PRKD3: variants seen among roughly 807,000 people sequenced by gnomAD.
PRKD3 encodes the protein protein kinase D3, also known as serine/threonine-protein kinase D3.
In PRKD3, 47 loss-of-function variants were observed where a neutral mutation model predicts 99.2. The ratio of observed to expected loss-of-function variants is 0.47; its 90% confidence interval spans 0.38 to 0.60. PRKD3 has a LOEUF of 0.60. PRKD3 is among the 20% of genes least tolerant of loss of function. The pLI is 0.00. For missense variants in PRKD3, 1,019 were observed against 1,088.4 expected (o/e 0.94, Z 0.90); for synonymous variants, 392 against 355.4 (o/e 1.10, Z -1.16).
At chr2:37,258,440 A>G (rs1353939752) in intron 16 of PRKD3, among the ~76,000 whole-genome samples, 2 of 152,240 alleles carry the variant, frequency 1.3e-5, no homozygotes, top group Non-Finnish European at 2.9e-5. Flanking sequence ...AACTGATTAA[A>G]GAAGTGGAGC....
At chr2:37,323,046 TGTG>T (rs1221785981) in intron 1 of PRKD3, among the ~76,000 whole-genome samples, 2 of 151,680 alleles carry the variant, frequency 1.3e-5, no homozygotes, top group Non-Finnish European at 2.9e-5. Flanking sequence ...TTTTTCTGTA[TGTG>T]GTGTTTTCAA....
In PRKD3 at chr2:37,256,701, T is replaced by G. The variant is rs767660133; in HGVS notation, c.2374A>C (p.Met792Leu). 6.7e-7 allele frequency: 1 copy of G among 1,500,770 alleles called. No individual in the cohort carries two copies. Among genetic ancestry groups the G allele is most frequent in the South Asian group, 1.1e-5 (1 of 89,168 alleles). The allele number at this position is 1,500,770 out of a possible 1,614,324, so 93.0% of individuals were successfully genotyped here. ...INDQIQNAAF[M>L]YPPNPWREIS... The stretch of plus-strand genomic sequence containing the variant: ...TCTCTCCATGGATTTGGTGGGTACA[T>G]AAATGCAGCATTTTGGATTTGGTCA... Residue 792 changes from methionine to leucine, a missense_variant, in exon 17 of 19, where the codon ATG becomes CTG. This residue lies in a region of PRKD3 where 184 missense variants were observed against 275.1 expected (regional missense o/e 0.67). Transcript: ENST00000234179.
rs138530375 is a variant in PRKD3, at chr2:37,259,086, C to CA, written c.2145+496dup. ...AAAACTCAACTGAATTAAGAAAAAT[C>CA]AGAGAGTGCTACATGTAGCCAGGAC... On this transcript the variant is annotated intron_variant, in intron 16 of 18. Transcript: ENST00000234179. Among the ~76,000 whole-genome samples, 789 of 151,460 alleles carry CA rather than the reference C, an allele frequency of 5.2e-3. 10 individuals carry two copies. The highest frequency in any genetic ancestry group is 0.017 in the African/African-American group (723 of 41,328).
chr2:37,324,764 T>G lies in PRKD3; in HGVS notation c.-739A>C, dbSNP rs1672051931. On this transcript the variant is annotated 5_prime_UTR_variant, in exon 1 of 19. Coordinates refer to ENST00000234179, the MANE Select transcript of PRKD3 (RefSeq NM_005813.6). ...AGGCGCCAGCGAGGCTTCACGCGCC[T>G]CGCAGGATCCCGCCCGCCTCCGGCG... 1 of 150,998 alleles carries G rather than the reference T, an allele frequency of 6.6e-6. No individual in the cohort carries two copies. The highest frequency in any genetic ancestry group is 1.5e-5 in the Non-Finnish European group (1 of 67,548). The allele number at this position is 150,998 out of a possible 1,614,324, so 9.4% of individuals were successfully genotyped here.
intron 17 of PRKD3, among the ~76,000 whole-genome samples, chr2:37,254,525 A>G (rs1048100193): frequency 3.3e-5 from 5 of 152,202 alleles, no homozygotes; most frequent in Non-Finnish European, 7.4e-5. Flanking sequence ...GTTAAAGTAT[A>G]TACTCTGGAA....
chr2:37,310,105 C>A (rs971575831), intron 2 of PRKD3, among the ~76,000 whole-genome samples: 7 of 152,240 alleles, frequency 4.6e-5, no homozygotes, highest in Non-Finnish European at 1.0e-4. Flanking sequence ...CAGATTTTGA[C>A]ATATGTATAT....
intron 14 of PRKD3, among the ~76,000 whole-genome samples, chr2:37,265,007 T>C (rs533989135): frequency 4.6e-5 from 7 of 152,144 alleles, no homozygotes; most frequent in Non-Finnish European, 8.8e-5. Context: ...GTCTTAATAA[T>C]AATATGCGCA....
intron 9 of PRKD3, among the ~76,000 whole-genome samples, chr2:37,276,707 TTC>T (rs145372353): frequency 0.044 from 6,740 of 151,746 alleles, 541 homozygotes; most frequent in African/African-American, 0.15. Flanking sequence ...CCAAAGTTTC[TTC>T]TGTTTAATTT....
chr2:37,289,577 C>T lies in PRKD3; in HGVS notation c.560-64G>A, dbSNP rs533109645. 1.5e-5 allele frequency: 19 copies of T among 1,301,120 alleles called. No homozygotes were observed. In the South Asian group the frequency reaches 2.8e-4, roughly 19 times the overall value. 80.6% of individuals were successfully genotyped at this position (1,301,120 alleles called of 1,614,324 possible). A position where few individuals can be genotyped will look rare whatever the true frequency, so the allele number is the denominator to read the frequency against. On this transcript the variant is annotated intron_variant, in intron 4 of 18. Transcript: ENST00000234179. ...AAAAATTTACTATTTAAGTGTGATA[C>T]ATAAAAACCACTGCTTCTTTTATTT...
intron 2 of PRKD3, among the ~76,000 whole-genome samples, chr2:37,301,166 A>C (rs1346964399): frequency 1.3e-5 from 2 of 152,188 alleles, no homozygotes; most frequent in Non-Finnish European, 1.5e-5. Context: ...CCTCAGAATG[A>C]TCTTCATTAT....
intron 2 of PRKD3, among the ~76,000 whole-genome samples, chr2:37,308,143 G>A (rs1671245220): frequency 6.6e-6 from 1 of 152,142 alleles, no homozygotes; most frequent in African/African-American, 2.4e-5. Flanking sequence ...TTGACCAAGT[G>A]TTGAGATCAG....
At chr2:37,308,341 C>G (rs1000255267) in intron 2 of PRKD3, among the ~76,000 whole-genome samples, 1 of 152,106 alleles carries the variant, frequency 6.6e-6, no homozygotes, top group Non-Finnish European at 1.5e-5. Context: ...GCCTGCTGTC[C>G]AGAGGTTTGA....
chr2:37,260,491 G>A (rs1668341088), intron 14 of PRKD3, 107 bp from the exon 15 acceptor site: 2 of 1,014,728 alleles, frequency 2.0e-6, no homozygotes, highest in Non-Finnish European at 2.9e-6. Context: ...AAAGCCTAGA[G>A]AAGTAAACAA....
At chr2:37,268,100 G>A (rs951108220) in intron 13 of PRKD3, 3 of 310,184 alleles carry the variant, frequency 9.7e-6, no homozygotes, top group Non-Finnish European at 1.9e-5. Flanking sequence ...TATGTACTAG[G>A]TATGCCTTTA....
In PRKD3 at chr2:37,250,516, A is replaced by G. The variant is rs1312606800; in HGVS notation, c.*2661T>C. The G allele has an allele frequency of 1.3e-5, 2 of 152,214 alleles. No homozygotes were observed. Among genetic ancestry groups the G allele is most frequent in the Admixed American group, 6.5e-5 (1 of 15,284 alleles). The allele number at this position is 152,214 out of a possible 1,614,324, so 9.4% of individuals were successfully genotyped here. ...ATCAACTCAAATTTAGTAGAAAATT[A>G]TAAAATGAGCTTTTTTTTATTTTTG... On this transcript the variant is annotated 3_prime_UTR_variant, in exon 19 of 19. Coordinates refer to ENST00000234179, the MANE Select transcript of PRKD3 (RefSeq NM_005813.6).
At chr2:37,308,104 C>A (rs560963205) in intron 2 of PRKD3, among the ~76,000 whole-genome samples, 1 of 152,262 alleles carries the variant, frequency 6.6e-6, no homozygotes, top group African/African-American at 2.4e-5. Flanking sequence ...CTAATTTAAT[C>A]TTTTTGTAAA....
intron 18 of PRKD3, among the ~76,000 whole-genome samples, chr2:37,253,651 C>T (rs1667698471): frequency 6.6e-6 from 1 of 152,114 alleles, no homozygotes; most frequent in Non-Finnish European, 1.5e-5. Flanking sequence ...TTGTTCTATA[C>T]AACGTGAGGC....
rs181325841 is a variant in PRKD3 at position 37,274,975 on chromosome 2, T to A, written c.1375-278A>T. ...TATAGGAGAGTAATCTGCCACTATA[T>A]CCAACACTTGTAACTTCCAACTGTC... On this transcript the variant is annotated intron_variant, in intron 10 of 18. Transcript: ENST00000234179. 5.9e-5 allele frequency among the ~76,000 whole-genome samples: 9 copies of A among 152,268 alleles called. No individual in the cohort carries two copies. The East Asian group carries it at 1.5e-3, about 26-fold the overall frequency.
Position 37,324,818 on chromosome 2 carries a change from C to T in PRKD3, c.-793G>A, listed in dbSNP as rs1345735054. 6.6e-6 allele frequency: 1 copy of T among 150,556 alleles called. No individual in the cohort carries two copies. Among genetic ancestry groups the T allele is most frequent in the Non-Finnish European group, 1.5e-5 (1 of 67,416 alleles). 9.3% of individuals were successfully genotyped at this position (150,556 alleles called of 1,614,324 possible). On this transcript the variant is annotated 5_prime_UTR_variant, in exon 1 of 19. Coordinates refer to ENST00000234179, the MANE Select transcript of PRKD3 (RefSeq NM_005813.6). ...CTTCCTCCCTCCCTCCCCGTCCCGT[C>T]CTGGGGCCGGAGGGCGGGGGGCCGG... is the stretch of plus-strand genomic sequence containing the variant.
Sources: allele counts gnomAD v4.1 joint callset (sites outside exome capture counted in the v4.1 genomes callset), GRCh38; gene constraint gnomAD v4.1.1; regional missense constraint gnomAD v4.1.1; transcripts MANE v1.5; gene names NCBI Gene and HGNC (gene_info 2026-07-23, HGNC 2026-07-21).